Variants in SEL1L3 observed in about 807,000 individuals in gnomAD.
SEL1L3 encodes SEL1L family member 3, also known as protein sel-1 homolog 3.
In SEL1L3, 76 loss-of-function variants were observed where a neutral mutation model predicts 142.8. The ratio of observed to expected loss-of-function variants is 0.53; its 90% CI spans 0.44 to 0.64. The LOEUF (loss-of-function observed/expected upper bound fraction) is 0.64, where lower values mean the gene tolerates loss of function less well. Ranked by LOEUF, SEL1L3 falls within the 30% of genes least tolerant of loss-of-function variation. The probability of loss-of-function intolerance (pLI) is 0.00; values close to 1 mark genes in which losing one functional copy is unlikely to be tolerated. For missense variants in SEL1L3, 1,262 were observed against 1,381.7 expected, an observed-to-expected ratio of 0.91 and a Z score of 1.37; for synonymous variants, 504 against 519.6, an observed-to-expected ratio of 0.97 and a Z score of 0.41.
chr4:25,744,429 C>T (rs1717202072), downstream of SEL1L3, among the ~76,000 whole-genome samples: 1 of 139,690 alleles, frequency 7.2e-6, no homozygotes, highest in South Asian at 2.4e-4. Context: ...TCTCAGCTCA[C>T]CGCAACCTCC....
At chr4:25,714,500 T>TTTCTTTCTTTC in the SEL1L3 span, among the ~76,000 whole-genome samples, 8 of 109,022 alleles carry the variant, frequency 7.3e-5, no homozygotes, top group African/African-American at 3.3e-4. Context: ...CTTTCTTTCT[T>TTTCTTTCTTTC]TTTCTTTCTT....
chr4:25,766,940 A>G (rs1213092994), intron 19 of SEL1L3, among the ~76,000 whole-genome samples: 1 of 152,110 alleles, frequency 6.6e-6, no homozygotes, highest in Non-Finnish European at 1.5e-5. Context: ...CGCACAAATG[A>G]CTGGCCCAGA....
rs541778014 is a variant in SEL1L3 at position 25,818,246 on chromosome 4, G to A, written c.1456C>T (p.Arg486Cys). Residue 486 changes from arginine to cysteine, a missense_variant, in exon 9 of 24, where the codon CGC (arginine) becomes TGC (cysteine). This residue lies in a region of SEL1L3 where 689 missense variants were observed against 692.8 expected (regional missense o/e 0.99). Transcript: ENST00000399878. ...HLHNSYLDLQ[R>C]RYGRPSMCRA... is the part of the protein sequence containing the mutation. The stretch of plus-strand genomic sequence containing the variant: ...CACATCGAGGGTCTCCCATACCTGC[G>A]CTGGAGGTCCAGGTAGGAGTTGTGG... 43 of 1,602,132 alleles carry A rather than the reference G, an allele frequency of 2.7e-5. No individual in the cohort carries two copies. The highest frequency in any genetic ancestry group is 3.5e-5 in the Non-Finnish European group (41 of 1,174,362).
chr4:25,755,427 G>C (rs1717890209), intron 23 of SEL1L3, among the ~76,000 whole-genome samples: 1 of 151,864 alleles, frequency 6.6e-6, no homozygotes. Context: ...TCTTTATTTG[G>C]GCAAGCTACT....
chr4:25,859,663 G>T (rs759559930), intron 1 of SEL1L3, among the ~76,000 whole-genome samples: 1 of 152,126 alleles, frequency 6.6e-6, no homozygotes, highest in Non-Finnish European at 1.5e-5. Flanking sequence ...AGGCAATTTG[G>T]CTTTGGAATG....
At chr4:25,818,049 G>T in intron 9 of SEL1L3, 89 bp downstream of exon 9, 2 of 1,348,420 alleles carry the variant, frequency 1.5e-6, no homozygotes, top group Non-Finnish European at 1.0e-6. Flanking sequence ...TAACTTTAAG[G>T]CATAAATCAC....
chr4:25,722,468 A>G, the SEL1L3 span, among the ~76,000 whole-genome samples: 1 of 152,156 alleles, frequency 6.6e-6, no homozygotes, highest in Non-Finnish European at 1.5e-5. Context: ...TGATCCCAGA[A>G]GAATAAAAAT....
chr4:25,795,990 C>G (rs979306264), intron 11 of SEL1L3, among the ~76,000 whole-genome samples: 3 of 151,850 alleles, frequency 2.0e-5, no homozygotes, highest in African/African-American at 7.3e-5. Context: ...CTGGCAGGAA[C>G]CAAGCGTCCC....
intron 6 of SEL1L3, among the ~76,000 whole-genome samples, chr4:25,823,998 G>A (rs1057260099): frequency 2.6e-5 from 4 of 152,202 alleles, no homozygotes; most frequent in Admixed American, 2.6e-4. Context: ...AACATCGAAC[G>A]TCTAGAGATT....
chr4:25,784,546 T>C (rs940669062), intron 13 of SEL1L3, among the ~76,000 whole-genome samples: 1 of 152,134 alleles, frequency 6.6e-6, no homozygotes, highest in Non-Finnish European at 1.5e-5. Flanking sequence ...TGCAACCCTG[T>C]CAATCCACAG....
rs371090851 is a variant in SEL1L3, at chr4:25,778,072, T to C, written c.2585+1004A>G. On this transcript the variant is annotated intron_variant, in intron 16 of 23. Transcript: ENST00000399878. ...CTATGGGTCATGGTTTGACAACTCC[T>C]GTAAAACATTTTCAGATCTGCAAGA... 1.7e-4 allele frequency among the ~76,000 whole-genome samples: 26 copies of C among 152,308 alleles called. No homozygotes were observed. The South Asian group carries it at 5.4e-3, about 32-fold the overall frequency.
chr4:25,730,012 G>A, the SEL1L3 span, among the ~76,000 whole-genome samples: 1 of 151,666 alleles, frequency 6.6e-6, no homozygotes, highest in South Asian at 2.1e-4. Context: ...ATGCTGGAGT[G>A]CAGTGGCATA....
intron 23 of SEL1L3, chr4:25,756,003 G>T: frequency 2.0e-6 from 2 of 985,324 alleles, no homozygotes; most frequent in South Asian, 9.4e-5. Context: ...GGTTTTGATG[G>T]GTCCTTGTTA....
rs201179091 is a variant in SEL1L3, at chr4:25,766,970, TTCTC to T, written c.2845+551_2845+554del. 6.3e-4 allele frequency among the ~76,000 whole-genome samples: 96 copies of T among 152,162 alleles called. 3 individuals carry two copies. The East Asian group carries it at 0.018, about 28-fold the overall frequency. On this transcript the variant is annotated intron_variant, in intron 19 of 23. Coordinates refer to ENST00000399878, the MANE Select transcript of SEL1L3 (RefSeq NM_015187.5). Reference sequence around the variant, plus strand: ...CCCAGAGAATTGCTCCATAATAGCGTTCTCTTTTACATTTTCATTGACTCAGAAG... The same window carrying T: ...CCCAGAGAATTGCTCCATAATAGCGTTTTTACATTTTCATTGACTCAGAAG...
At chr4:25,823,553 TAAC>T (rs753012691) in intron 6 of SEL1L3, among the ~76,000 whole-genome samples, 29 of 151,772 alleles carry the variant, frequency 1.9e-4, no homozygotes, top group Non-Finnish European at 4.0e-4. Context: ...AAAATAAAAA[TAAC>T]AAGAATTTAA....
chr4:25,748,551 A>C lies in SEL1L3; in HGVS notation c.3273T>G (p.Pro1091=). The change falls in exon 24 of 24, where the codon CCT becomes CCG. Residue 1091 remains proline, a synonymous_variant. Transcript: ENST00000399878. ...CTGGGGAGGCCTGGGATGGTCTTGG[A>C]GGGGGATCGCTTGCTGCAGAGACAC... ...YFQSVSASDP[P]PRPSQASPDT... is the part of the protein sequence containing the mutation. The C allele has an allele frequency of 6.2e-7, 1 of 1,610,530 alleles. No individual in the cohort carries two copies. Among genetic ancestry groups the C allele is most frequent in the South Asian group, 1.1e-5 (1 of 90,016 alleles).
chr4:25,781,331 T>A (rs974466488), intron 15 of SEL1L3, among the ~76,000 whole-genome samples: 1 of 152,158 alleles, frequency 6.6e-6, no homozygotes, highest in Admixed American at 6.5e-5. Flanking sequence ...ATTCACCACA[T>A]TTTGTTAAAT....
rs923495681 is a variant in SEL1L3, at chr4:25,747,577, A to C, written c.*848T>G. On this transcript the variant is annotated 3_prime_UTR_variant, in exon 24 of 24. Coordinates refer to ENST00000399878, the MANE Select transcript of SEL1L3 (RefSeq NM_015187.5). ...CATTCTGCTCTTCCTCTTCCTCTCT[A>C]ACACACACACACACACACACACACA... 3 of 145,702 alleles carry C rather than the reference A, an allele frequency of 2.1e-5. No homozygotes were observed. Among genetic ancestry groups the C allele is most frequent in the East Asian group, 2.0e-4 (1 of 4,958 alleles). The allele number at this position is 145,702 out of a possible 1,614,324, so 9.0% of individuals were successfully genotyped here. A position where few individuals can be genotyped will look rare whatever the true frequency, so the allele number is the denominator to read the frequency against.
downstream of SEL1L3, among the ~76,000 whole-genome samples, chr4:25,742,892 C>A (rs796324554): frequency 2.6e-5 from 4 of 152,246 alleles, no homozygotes; most frequent in Admixed American, 6.5e-5. Flanking sequence ...GCTTCCCCAG[C>A]TCCCAAAAGC....
Sources: gnomAD v4.1 joint callset for allele counts (sites outside exome capture counted in the v4.1 genomes callset) on GRCh38, gnomAD v4.1.1 for gene constraint, gnomAD v4.1.1 regional missense constraint, MANE v1.5 for transcripts, NCBI Gene and HGNC (gene_info 2026-07-23, HGNC 2026-07-21) for gene names.